Variants in EXTL3 observed in about 807,000 individuals in gnomAD.
EXTL3 encodes the protein exostosin-like 3.
In EXTL3, 27 loss-of-function variants were observed where a neutral mutation model predicts 69.3. The ratio of observed to expected loss-of-function variants is 0.39; its 90% CI spans 0.29 to 0.54. The LOEUF (loss-of-function observed/expected upper bound fraction) is 0.54. EXTL3 is among the 20% of genes least tolerant of loss of function. The pLI is 0.69. For missense variants in EXTL3, 1,003 were observed against 1,231.8 expected (o/e 0.81, Z 2.78); for synonymous variants, 511 against 499.4 (o/e 1.02, Z -0.31).
chr8:28,704,549 CTGGATGTT>C (rs1477805136), intron 1 of EXTL3, among the ~76,000 whole-genome samples: 1 of 152,162 alleles, frequency 6.6e-6, no homozygotes, highest in African/African-American at 2.4e-5. Context: ...GGTTAACGTC[CTGGATGTT>C]TGCTTTTTTG....
At chr8:28,667,558 TTAAAGC>T (rs1234930417) in intron 1 of EXTL3, among the ~76,000 whole-genome samples, 17 of 152,330 alleles carry the variant, frequency 1.1e-4, no homozygotes. Flanking sequence ...TGAGGTTTCC[TTAAAGC>T]TTACTCAGCT....
At chr8:28,719,624 G>A (rs972573009) in intron 3 of EXTL3, among the ~76,000 whole-genome samples, 3 of 152,098 alleles carry the variant, frequency 2.0e-5, no homozygotes, top group Admixed American at 6.5e-5. Context: ...TTATCCCAGT[G>A]TATTTTGTAT....
At chr8:28,608,310 TGC>T (rs1401261804) in intron 2 of EXTL3, among the ~76,000 whole-genome samples, 1 of 151,936 alleles carries the variant, frequency 6.6e-6, no homozygotes, top group African/African-American at 2.4e-5. Context: ...AGTGAGCTTG[TGC>T]ATTTAGGCAC....
chr8:28,676,750 A>G (rs1341204301), intron 1 of EXTL3, among the ~76,000 whole-genome samples: 4 of 152,158 alleles, frequency 2.6e-5, no homozygotes, highest in Non-Finnish European at 4.4e-5. Context: ...GGGACAGAGG[A>G]AGATCGCCCA....
chr8:28,723,979 T>C (rs1308833155), intron 3 of EXTL3, among the ~76,000 whole-genome samples: 1 of 148,700 alleles, frequency 6.7e-6, no homozygotes, highest in Non-Finnish European at 1.5e-5. Context: ...GTATTTTTTT[T>C]CTTTTTTTTT....
At chr8:28,668,579 T>C (rs1019098927) in intron 1 of EXTL3, among the ~76,000 whole-genome samples, 4 of 152,038 alleles carry the variant, frequency 2.6e-5, no homozygotes, top group Non-Finnish European at 2.9e-5. Flanking sequence ...TCAGTTGATC[T>C]GCCTGCCTCG....
intron 1 of EXTL3, among the ~76,000 whole-genome samples, chr8:28,648,684 G>A (rs1585230705): frequency 6.6e-6 from 1 of 151,908 alleles, no homozygotes; most frequent in African/African-American, 2.4e-5. Flanking sequence ...GTCATTACAG[G>A]GCATGCTGTC....
intron 1 of EXTL3, among the ~76,000 whole-genome samples, chr8:28,640,126 C>A (rs761973163): frequency 6.6e-6 from 1 of 152,030 alleles, no homozygotes; most frequent in African/African-American, 2.4e-5. Context: ...AAAATCCATA[C>A]CCCTCTGCAG....
chr8:28,645,509 T>A (rs1806814347), intron 1 of EXTL3, among the ~76,000 whole-genome samples: 1 of 152,240 alleles, frequency 6.6e-6, no homozygotes, highest in Non-Finnish European at 1.5e-5. Flanking sequence ...AGTGTCATCC[T>A]ATTTTTGTAA....
downstream of EXTL3, among the ~76,000 whole-genome samples, chr8:28,756,130 T>G (rs1484764185): frequency 6.6e-6 from 1 of 152,226 alleles, no homozygotes. Flanking sequence ...GCACACATCT[T>G]CAGTGTGCAT....
chr8:28,685,270 G>GT (rs1159157690), intron 1 of EXTL3, among the ~76,000 whole-genome samples: 22 of 151,872 alleles, frequency 1.4e-4, no homozygotes, highest in East Asian at 3.9e-4. Flanking sequence ...TTTTATAGCA[G>GT]TTTTTTTTAA....
chr8:28,713,680 A>C, intron 2 of EXTL3, 130 bp downstream of exon 2: 1 of 620,620 alleles, frequency 1.6e-6, no homozygotes, highest in South Asian at 1.9e-5. Flanking sequence ...AGAGATTTAA[A>C]CATTTGAATC....
At chr8:28,682,188 T>A (rs142720211) in intron 1 of EXTL3, among the ~76,000 whole-genome samples, 1 of 152,266 alleles carries the variant, frequency 6.6e-6, no homozygotes, top group Admixed American at 6.5e-5. Context: ...ATTTTCCTAA[T>A]GATTAGCGAA....
intron 1 of EXTL3, among the ~76,000 whole-genome samples, chr8:28,670,208 C>CAAAAAAAAAG (rs1807263856): frequency 1.2e-5 from 1 of 80,414 alleles, no homozygotes; most frequent in Non-Finnish European, 2.2e-5. Flanking sequence ...GACTCTGTCT[C>CAAAAAAAAAG]AAAAAAAAAA....
chr8:28,620,735 A>C (rs1034932284), upstream of EXTL3, among the ~76,000 whole-genome samples: 1 of 152,104 alleles, frequency 6.6e-6, no homozygotes, highest in East Asian at 1.9e-4. Flanking sequence ...TTTTTTTAAG[A>C]GATAGGGTCT....
rs1801138165 is a variant in EXTL3 at position 28,716,103 on chromosome 8, G to A, written c.44G>A (p.Gly15Glu). ...TMLRNGGAGN[G>E]GQTCMLRWSN... The stretch of plus-strand genomic sequence containing the variant: ...CTGCGGAATGGGGGCGCGGGGAACG[G>A]AGGTCAGACCTGCATGCTGCGCTGG... The change falls in exon 3 of 7, where the codon GGA becomes GAA. Residue 15 changes from glycine (G) to glutamate (E), a missense_variant. Physicochemically the swap from Gly to Glu is moderately conservative, Grantham distance 98. Around this residue, in one of 2 missense-constraint regions of EXTL3, gnomAD observed 742 missense variants for 815.4 expected, o/e 0.91. Transcript: ENST00000220562. The surrounding 1 kb of genome is among the most constrained non-coding windows in gnomAD (Gnocchi z 7.1). The A allele has an allele frequency of 6.2e-7, 1 of 1,612,642 alleles. No individual in the cohort carries two copies. The highest frequency in any genetic ancestry group is 1.3e-5 in the African/African-American group (1 of 74,938).
intron 4 of EXTL3, among the ~76,000 whole-genome samples, chr8:28,732,765 G>A (rs1027075809): frequency 3.3e-5 from 5 of 152,082 alleles, no homozygotes; most frequent in East Asian, 1.9e-4. Flanking sequence ...ACTCTGTTGC[G>A]CAGGCTGGAG....
intron 1 of EXTL3, among the ~76,000 whole-genome samples, chr8:28,630,585 G>A (rs1806557484): frequency 6.6e-6 from 1 of 152,184 alleles, no homozygotes; most frequent in Non-Finnish European, 1.5e-5. Flanking sequence ...CTACCAGAAT[G>A]TTACGTTTCC....
intron 2 of EXTL3, among the ~76,000 whole-genome samples, chr8:28,607,989 A>G (rs1380280319): frequency 1.3e-5 from 2 of 151,894 alleles, no homozygotes; most frequent in East Asian, 3.9e-4. Flanking sequence ...GGGCGCCTGT[A>G]GTCCCAGCTA....
Sources: gnomAD v4.1 joint callset for allele counts (sites outside exome capture counted in the v4.1 genomes callset) on GRCh38, gnomAD v4.1.1 for gene constraint, gnomAD v4.1.1 regional missense constraint, Gnocchi (gnomAD v3.1) non-coding constraint, MANE v1.5 for transcripts, NCBI Gene and HGNC (gene_info 2026-07-23, HGNC 2026-07-21) for gene names.